The following DPH6 variants were observed in gnomAD, a reference collection of about 807,000 sequenced individuals.
DPH6 encodes diphthine--ammonia ligase.
In DPH6, 33 loss-of-function variants were observed where a neutral mutation model predicts 38.2. The observed-to-expected ratio is 0.86, with a 90% CI of 0.65 to 1.15. The LOEUF is 1.15. Among genes scored for constraint, DPH6 ranks in the 50% most tolerant of loss-of-function variants. The probability of loss-of-function intolerance (pLI) is 0.00; values close to 1 mark genes in which losing one functional copy is unlikely to be tolerated. For synonymous variants in DPH6, 108 were observed against 103.0 expected, an observed-to-expected ratio of 1.05 and a Z score of -0.30; for missense variants, 325 against 320.0, an observed-to-expected ratio of 1.02 and a Z score of -0.12.
At chr15:35,482,345 C>T (rs1408090992) in intron 3 of DPH6, among the ~76,000 whole-genome samples, 1 of 152,054 alleles carries the variant, frequency 6.6e-6, no homozygotes, top group Non-Finnish European at 1.5e-5. Context: ...TTGGAGTCAC[C>T]AGAAAGGTCA....
chr15:35,432,399 G>A (rs1176260899), intron 5 of DPH6, among the ~76,000 whole-genome samples: 54 of 152,078 alleles, frequency 3.6e-4, no homozygotes, highest in Non-Finnish European at 5.9e-5. Context: ...CTGTAATAGA[G>A]TTCTTAGCCA....
At chr15:35,520,237 A>AACAAAAGAAGAAGAATC in intron 3 of DPH6, 1 of 812,792 alleles carries the variant, frequency 1.2e-6, no homozygotes, top group Non-Finnish European at 1.5e-6. Flanking sequence ...AAACAAAAAA[A>AACAAAAGAAGAAGAATC]AAACAAAAGA....
chr15:35,449,149 C>A (rs1242255056), intron 5 of DPH6, among the ~76,000 whole-genome samples: 1 of 151,568 alleles, frequency 6.6e-6, no homozygotes, highest in African/African-American at 2.4e-5. Flanking sequence ...TTTAATAAAC[C>A]TTTCTTTAAT....
downstream of DPH6, among the ~76,000 whole-genome samples, chr15:35,217,071 T>C (rs2051414552): frequency 6.6e-6 from 1 of 152,252 alleles, no homozygotes; most frequent in South Asian, 2.1e-4. Context: ...GATATTTGAA[T>C]CAATAATAGC....
intron 3 of DPH6, among the ~76,000 whole-genome samples, chr15:35,264,091 G>GC (rs2051767504): frequency 9.2e-6 from 1 of 109,230 alleles, no homozygotes; most frequent in Non-Finnish European, 2.4e-5. Context: ...ATGGATTTAA[G>GC]CCTTGTTTTT....
chr15:35,521,935 A>G, intron 3 of DPH6: 1 of 1,420,164 alleles, frequency 7.0e-7, no homozygotes, highest in Non-Finnish European at 9.2e-7. Context: ...TGGAAAGTTC[A>G]TTTTTGAAGG....
intron 3 of DPH6, among the ~76,000 whole-genome samples, chr15:35,355,476 A>C (rs992991263): frequency 6.6e-6 from 1 of 152,058 alleles, no homozygotes; most frequent in Non-Finnish European, 1.5e-5. Flanking sequence ...TTTAGGGCAG[A>C]CCTGGTGGTG....
chr15:35,245,849 T>C (rs1054749975), intron 3 of DPH6, among the ~76,000 whole-genome samples: 4 of 152,180 alleles, frequency 2.6e-5, no homozygotes, highest in African/African-American at 7.2e-5. Context: ...TTAAGGAATA[T>C]AATACAGGAT....
intron 6 of DPH6, among the ~76,000 whole-genome samples, chr15:35,382,595 T>C (rs973401213): frequency 5.9e-5 from 9 of 152,150 alleles, no homozygotes; most frequent in African/African-American, 2.2e-4. Context: ...TCTTTGCCTT[T>C]AAGTGGAAGG....
At chr15:35,188,974 T>C in the DPH6 span, among the ~76,000 whole-genome samples, 1 of 152,224 alleles carries the variant, frequency 6.6e-6, no homozygotes, top group Non-Finnish European at 1.5e-5. Context: ...AGCAAAGTAC[T>C]ATTGTTATTA....
intron 3 of DPH6, among the ~76,000 whole-genome samples, chr15:35,241,770 C>G (rs1293380310): frequency 1.4e-5 from 2 of 143,002 alleles, no homozygotes; most frequent in African/African-American, 5.1e-5. Flanking sequence ...AATATCTCAT[C>G]CCACAGCATG....
At chr15:35,429,293 T>C (rs535964934) in intron 5 of DPH6, among the ~76,000 whole-genome samples, 81 of 152,286 alleles carry the variant, frequency 5.3e-4, no homozygotes, top group Middle Eastern at 3.4e-3. Context: ...ATCTCTCCCA[T>C]TTGATTTTAC....
At chr15:35,245,313 A>C (rs2051629415) in intron 3 of DPH6, among the ~76,000 whole-genome samples, 1 of 131,866 alleles carries the variant, frequency 7.6e-6, no homozygotes, top group Non-Finnish European at 1.5e-5. Context: ...ATCTCGGCTC[A>C]CTGCAAGCTC....
chr15:35,477,677 T>C (rs1170003125), intron 3 of DPH6, among the ~76,000 whole-genome samples: 1 of 151,926 alleles, frequency 6.6e-6, no homozygotes, highest in Non-Finnish European at 1.5e-5. Flanking sequence ...GTGATTCATT[T>C]TCTATCTCTA....
At position 35,434,201 on chromosome 15, in the gene DPH6, G is replaced by A. The variant is rs921586861; in HGVS notation, c.505+16484C>T. The stretch of plus-strand genomic sequence containing the variant: ...TCTGGGAGGTAAGGATACCTAATAC[G>A]ACTAGGTCTCTGGTCCACTTATAGG... On this transcript the variant is annotated intron_variant, in intron 5 of 8. Transcript: ENST00000256538. 7.2e-4 allele frequency among the ~76,000 whole-genome samples: 109 copies of A among 152,138 alleles called. 1 individual carries two copies. The highest frequency in any genetic ancestry group is 3.7e-4 in the Non-Finnish European group (25 of 67,952).
chr15:35,295,569 T>A (rs968999505), intron 3 of DPH6, among the ~76,000 whole-genome samples: 1 of 152,218 alleles, frequency 6.6e-6, no homozygotes, highest in African/African-American at 2.4e-5. Flanking sequence ...TCATCCTTGA[T>A]GGCTTCCACA....
the DPH6 span, among the ~76,000 whole-genome samples, chr15:35,192,369 C>G: frequency 2.3e-4 from 35 of 152,252 alleles, no homozygotes; most frequent in African/African-American, 8.2e-4. Flanking sequence ...GTAGAGAGCA[C>G]AAATATTAGT....
intron 3 of DPH6, chr15:35,237,546 A>G: frequency 1.3e-6 from 2 of 1,553,246 alleles, no homozygotes; most frequent in South Asian, 1.1e-5. Flanking sequence ...CTAAGCGATA[A>G]CAGAGTCTCG....
the DPH6 span, among the ~76,000 whole-genome samples, chr15:35,194,672 C>A: frequency 6.6e-6 from 1 of 152,172 alleles, no homozygotes; most frequent in Non-Finnish European, 1.5e-5. Flanking sequence ...CTATTGATTG[C>A]AGATCCCACG....
Sources: allele counts gnomAD v4.1 joint callset (sites outside exome capture counted in the v4.1 genomes callset), GRCh38; gene constraint gnomAD v4.1.1; transcripts MANE v1.5; gene names NCBI Gene and HGNC (gene_info 2026-07-23, HGNC 2026-07-21).